DLEU7: variants seen among roughly 807,000 people sequenced by gnomAD.
The protein encoded by DLEU7 is deleted in lymphocytic leukemia 7, also known as leukemia-associated protein 7.
Under a neutral mutation model 16.0 loss-of-function variants are expected in DLEU7, and 17 were observed. That is an observed-to-expected ratio of 1.06 (90% CI 0.73 to 1.59). The LOEUF (loss-of-function observed/expected upper bound fraction) is 1.59. Ranked by LOEUF, DLEU7 falls within the 40% of genes most tolerant of loss-of-function variation. The probability of loss-of-function intolerance (pLI) is 0.00; values close to 1 mark genes in which losing one functional copy is unlikely to be tolerated. For synonymous variants in DLEU7, 113 were observed against 139.8 expected (o/e 0.81, Z 1.35); for missense variants, 308 against 314.9 (o/e 0.98, Z 0.17).
chr13:50,734,500 CA>C (rs1171216688), intron 1 of DLEU7, among the ~76,000 whole-genome samples: 2 of 151,986 alleles, frequency 1.3e-5, no homozygotes, highest in African/African-American at 4.8e-5. Context: ...CCCATCTCCC[CA>C]AAAATAAAGA....
intron 1 of DLEU7, among the ~76,000 whole-genome samples, chr13:50,814,671 A>G (rs941428106): frequency 1.0e-4 from 4 of 39,636 alleles, no homozygotes; most frequent in African/African-American, 2.9e-4. Flanking sequence ...TATACACTAC[A>G]TAGAACTACA....
chr13:50,753,012 A>T (rs1442794145), intron 1 of DLEU7, among the ~76,000 whole-genome samples: 1 of 152,114 alleles, frequency 6.6e-6, no homozygotes, highest in Non-Finnish European at 1.5e-5. Flanking sequence ...CGTCCCCACC[A>T]GATTAGCTAC....
At chr13:50,766,934 C>T (rs1837324476) in intron 1 of DLEU7, among the ~76,000 whole-genome samples, 1 of 142,650 alleles carries the variant, frequency 7.0e-6, no homozygotes, top group East Asian at 1.9e-4. Context: ...AGACTTGTCT[C>T]CCCTGGGTCT....
At chr13:50,730,829 GTGTT>G (rs1392787553) in intron 1 of DLEU7, among the ~76,000 whole-genome samples, 1 of 152,192 alleles carries the variant, frequency 6.6e-6, no homozygotes, top group African/African-American at 2.4e-5. Context: ...GAAGGTGTGT[GTGTT>G]TGTGTGTGGG....
intron 1 of DLEU7, among the ~76,000 whole-genome samples, chr13:50,730,536 G>A (rs904271307): frequency 1.3e-5 from 2 of 152,152 alleles, no homozygotes; most frequent in Admixed American, 6.5e-5. Context: ...TCAGAGAGCA[G>A]TGCTTCCTCT....
chr13:50,790,468 G>A (rs918635433), intron 1 of DLEU7, among the ~76,000 whole-genome samples: 2 of 125,700 alleles, frequency 1.6e-5, no homozygotes, highest in Non-Finnish European at 3.6e-5. Flanking sequence ...AACACTCTCC[G>A]TTTAAGGAGA....
chr13:50,840,219 T>A (rs889612876), intron 1 of DLEU7: 1 of 152,210 alleles, frequency 6.6e-6, no homozygotes, highest in Non-Finnish European at 1.5e-5. Context: ...TTCTATTGTA[T>A]AAAATCTGTA....
chr13:50,785,934 C>T (rs544007819), intron 1 of DLEU7, among the ~76,000 whole-genome samples: 260 of 152,152 alleles, frequency 1.7e-3, no homozygotes, highest in South Asian at 0.015. Flanking sequence ...ACATACTGGC[C>T]GCCAGAATAG....
At chr13:50,842,333 A>G (rs911945303) in intron 1 of DLEU7, among the ~76,000 whole-genome samples, 9 of 152,130 alleles carry the variant, frequency 5.9e-5, no homozygotes, top group African/African-American at 1.9e-4. Flanking sequence ...TAGATGCCCC[A>G]GGGAAATAAA....
chr13:50,811,999 G>C (rs771906549), intron 1 of DLEU7, among the ~76,000 whole-genome samples: 61 of 150,940 alleles, frequency 4.0e-4, no homozygotes, highest in Non-Finnish European at 8.3e-4. Context: ...GAACCCAGGA[G>C]GCAGCAGCTG....
chr13:50,808,877 A>G (rs1361695422), intron 1 of DLEU7, among the ~76,000 whole-genome samples: 3 of 113,136 alleles, frequency 2.7e-5, no homozygotes, highest in East Asian at 4.8e-4. Context: ...TTCAGAAGGA[A>G]AAAAAAAAAC....
rs1392798844 is a variant in DLEU7, at chr13:50,739,001, A to G, written c.460-25761T>C. The stretch of plus-strand genomic sequence containing the variant: ...CACACACACACACACACACACACAC[A>G]CACGCACACACACACAAACACTGGC... On this transcript the variant is annotated intron_variant, in intron 1 of 1. Coordinates refer to the DLEU7 transcript ENST00000400393. 3.9e-4 allele frequency among the ~76,000 whole-genome samples: 34 copies of G among 87,852 alleles called. 1 individual carries two copies. The East Asian group carries it at 4.5e-3, about 12-fold the overall frequency. 57.6% of individuals were successfully genotyped at this position (87,852 alleles called of 152,430 possible).
At chr13:50,812,722 A>G (rs1217279093) in intron 1 of DLEU7, among the ~76,000 whole-genome samples, 2 of 152,070 alleles carry the variant, frequency 1.3e-5, no homozygotes, top group South Asian at 2.1e-4. Context: ...ATATAGCTAT[A>G]TATGTATAAA....
chr13:50,778,616 A>G (rs1238833364), intron 1 of DLEU7, among the ~76,000 whole-genome samples: 1 of 152,238 alleles, frequency 6.6e-6, no homozygotes, highest in Non-Finnish European at 1.5e-5. Context: ...ATCAAAAGAC[A>G]AAAAGAAAAA....
At chr13:50,813,587 G>C (rs1179021078) in intron 1 of DLEU7, among the ~76,000 whole-genome samples, 1 of 151,900 alleles carries the variant, frequency 6.6e-6, no homozygotes, top group East Asian at 1.9e-4. Flanking sequence ...GTCATTTTTT[G>C]ATCTTTGAAA....
intron 1 of DLEU7, among the ~76,000 whole-genome samples, chr13:50,814,332 C>T (rs1199472178): frequency 2.6e-5 from 4 of 152,024 alleles, no homozygotes; most frequent in Admixed American, 6.6e-5. Flanking sequence ...ATCCATCCAT[C>T]TATCCATTCA....
chr13:50,771,843 T>A (rs58069910), intron 1 of DLEU7, among the ~76,000 whole-genome samples: 2 of 152,202 alleles, frequency 1.3e-5, no homozygotes, highest in Non-Finnish European at 2.9e-5. Flanking sequence ...CTCATTGATC[T>A]GTCTAATATT....
intron 1 of DLEU7, among the ~76,000 whole-genome samples, chr13:50,785,686 G>T (rs1875778815): frequency 6.6e-6 from 1 of 152,194 alleles, no homozygotes; most frequent in African/African-American, 2.4e-5. Context: ...TCTTCTCTGG[G>T]CTGTAGCTGA....
intron 1 of DLEU7, among the ~76,000 whole-genome samples, chr13:50,767,299 A>G (rs1239348622): frequency 6.6e-6 from 1 of 152,022 alleles, no homozygotes; most frequent in East Asian, 1.9e-4. Flanking sequence ...ACTAAAAAAT[A>G]CAAAAAATTA....
Sources: allele counts gnomAD v4.1 joint callset (sites outside exome capture counted in the v4.1 genomes callset), GRCh38; gene constraint gnomAD v4.1.1; transcripts MANE v1.5; gene names NCBI Gene and HGNC (gene_info 2026-07-23, HGNC 2026-07-21).